Variants in RBM6 observed in about 807,000 individuals in gnomAD.
The protein encoded by RBM6 is RNA binding motif protein 6.
A neutral mutation model predicts 140.4 loss-of-function variants in RBM6; 23 were observed. The ratio of observed to expected loss-of-function variants is 0.16; its 90% CI spans 0.12 to 0.23. The LOEUF (loss-of-function observed/expected upper bound fraction) is 0.23, where lower values mean the gene tolerates loss of function less well. Among genes scored for constraint, RBM6 ranks in the 10% least tolerant of loss-of-function variants. The probability of loss-of-function intolerance (pLI) is 1.00; values close to 1 mark genes in which losing one functional copy is unlikely to be tolerated. For synonymous variants in RBM6, 439 were observed against 475.6 expected (o/e 0.92, Z 1.00); for missense variants, 1,139 against 1,386.7 (o/e 0.82, Z 2.84).
chr3:49,963,451 C>T, intron 2 of RBM6, among the ~76,000 whole-genome samples: 1 of 152,030 alleles, frequency 6.6e-6, no homozygotes, highest in South Asian at 2.1e-4. Context: ...TTCTTTTTGT[C>T]TCTTAGCGAA....
At chr3:49,984,031 C>T (rs983983957) in intron 5 of RBM6, among the ~76,000 whole-genome samples, 5 of 152,120 alleles carry the variant, frequency 3.3e-5, no homozygotes, top group Admixed American at 2.0e-4. Flanking sequence ...GTGGCTCAAA[C>T]CTGTAATTCC....
At chr3:49,984,891 G>C (rs1006665125) in intron 5 of RBM6, among the ~76,000 whole-genome samples, 4 of 152,194 alleles carry the variant, frequency 2.6e-5, no homozygotes, top group African/African-American at 9.6e-5. Context: ...TGAGACACAG[G>C]CAGGTTATAT....
intron 6 of RBM6, among the ~76,000 whole-genome samples, chr3:50,003,034 T>C (rs1051028561): frequency 4.6e-5 from 7 of 152,020 alleles, no homozygotes; most frequent in Non-Finnish European, 7.4e-5. Context: ...GATAATTGCT[T>C]GAACCCAGGA....
chr3:49,957,272 G>A (rs768418547), intron 1 of RBM6, among the ~76,000 whole-genome samples: 1 of 151,456 alleles, frequency 6.6e-6, no homozygotes, highest in Non-Finnish European at 1.5e-5. Context: ...CTGGCCTGTT[G>A]TGAAAATGTT....
At chr3:50,018,520 G>A (rs1460721798) in intron 6 of RBM6, among the ~76,000 whole-genome samples, 1 of 146,306 alleles carries the variant, frequency 6.8e-6, no homozygotes, top group Non-Finnish European at 1.5e-5. Context: ...ACGGACATAC[G>A]TTTTCAACTA....
At chr3:50,025,723 C>G (rs2087776186) in intron 6 of RBM6, among the ~76,000 whole-genome samples, 1 of 151,134 alleles carries the variant, frequency 6.6e-6, no homozygotes, top group South Asian at 2.1e-4. Flanking sequence ...CTGTGCCCCA[C>G]TGTTCAAGTT....
intron 1 of RBM6, among the ~76,000 whole-genome samples, chr3:49,962,084 G>A (rs1019551720): frequency 2.0e-5 from 3 of 150,890 alleles, no homozygotes; most frequent in Non-Finnish European, 4.4e-5. Flanking sequence ...TGAACCCGGA[G>A]GTTGCAGTGG....
At chr3:49,987,457 A>C (rs2085614714) in intron 5 of RBM6, among the ~76,000 whole-genome samples, 1 of 151,758 alleles carries the variant, frequency 6.6e-6, no homozygotes, top group Admixed American at 6.6e-5. Flanking sequence ...CTGGGATTAC[A>C]GGTGCCCGCC....
At position 49,968,560 on chromosome 3, in the gene RBM6, A is replaced by C; in HGVS notation, c.1135A>C (p.Ser379Arg). ...KSQLSGREEQSSDAGLFKEEG... is the reference protein window; with the variant it reads ...KSQLSGREEQRSDAGLFKEEG... ...ACAGCTTTCTGGACGTGAAGAGCAG[A>C]GTTCAGATGCTGGTCTGTTTAAAGA... The change falls in exon 3 of 21, where the codon AGT becomes CGT. Residue 379 changes from serine to arginine, a missense_variant. This residue lies in a region of RBM6 where 566 missense variants were observed against 612.7 expected (regional missense o/e 0.92). Coordinates refer to ENST00000266022, the MANE Select transcript of RBM6 (RefSeq NM_005777.3). 1 of 1,614,174 alleles carries C rather than the reference A, an allele frequency of 6.2e-7. No homozygotes were observed. Among genetic ancestry groups the C allele is most frequent in the Non-Finnish European group, 8.5e-7 (1 of 1,180,048 alleles).
intron 1 of RBM6, among the ~76,000 whole-genome samples, chr3:49,942,026 G>T (rs1470066709): frequency 1.3e-5 from 2 of 151,612 alleles, no homozygotes; most frequent in African/African-American, 2.4e-5. Context: ...GCTTGAGCCG[G>T]GGAGGTAGAG....
At chr3:49,989,080 CAG>C (rs1437171782) in intron 5 of RBM6, among the ~76,000 whole-genome samples, 1 of 151,850 alleles carries the variant, frequency 6.6e-6, no homozygotes, top group African/African-American at 2.4e-5. Flanking sequence ...ATGATTGTGA[CAG>C]GGTAGGAAAA....
At chr3:50,076,683 C>T (rs1016524024) in intron 20 of RBM6, among the ~76,000 whole-genome samples, 3 of 151,860 alleles carry the variant, frequency 2.0e-5, no homozygotes, top group African/African-American at 4.8e-5. Context: ...GCCAGGAGTT[C>T]GAGACCAGCC....
In RBM6 at chr3:50,062,035, A is replaced by C. The variant is rs756934766; in HGVS notation, c.2513A>C (p.Gln838Pro). ...EEIKEKKPTSQGKSSSKKEMS... is the reference protein window; with the variant it reads ...EEIKEKKPTSPGKSSSKKEMS... ...ATCAAGGAAAAAAAACCCACCAGTCAAGGAAAGTCAAGTAGCAAGAAGGAA... is the reference window on the plus strand; with the variant it reads ...ATCAAGGAAAAAAAACCCACCAGTCCAGGAAAGTCAAGTAGCAAGAAGGAA... The change falls in exon 15 of 21, where the codon CAA becomes CCA. Residue 838 changes from glutamine (Q) to proline (P), a missense_variant. This residue lies in a region of RBM6 where 163 missense variants were observed against 182.8 expected (regional missense o/e 0.89). Transcript: ENST00000266022. 1.2e-6 allele frequency: 2 copies of C among 1,613,980 alleles called. No individual in the cohort carries two copies. The highest frequency in any genetic ancestry group is 2.2e-5 in the South Asian group (2 of 91,078).
chr3:50,008,179 C>T (rs149929180), intron 6 of RBM6, among the ~76,000 whole-genome samples: 8 of 152,254 alleles, frequency 5.3e-5, no homozygotes, highest in South Asian at 4.1e-4. Context: ...GTGCTCTAAA[C>T]GACTCATTTT....
chr3:49,978,789 A>G (rs2108663468), intron 5 of RBM6, among the ~76,000 whole-genome samples: 1 of 152,248 alleles, frequency 6.6e-6, no homozygotes, highest in Non-Finnish European at 1.5e-5. Context: ...CATTTATGGG[A>G]TTTTGGAATT....
At chr3:50,035,766 AT>A (rs113626049) in intron 6 of RBM6, among the ~76,000 whole-genome samples, 1,693 of 147,586 alleles carry the variant, frequency 0.011, 40 homozygotes, top group African/African-American at 0.04. Context: ...ATTTAAAAAA[AT>A]TTTTTTTTTT....
chr3:50,006,873 A>C (rs749374564), intron 6 of RBM6, among the ~76,000 whole-genome samples: 64 of 150,036 alleles, frequency 4.3e-4, no homozygotes, highest in Admixed American at 7.3e-4. Flanking sequence ...CGGAGCTTGC[A>C]GTGAGCCGAG....
chr3:50,069,253 C>T (rs1186429458), intron 18 of RBM6, among the ~76,000 whole-genome samples: 1 of 152,034 alleles, frequency 6.6e-6, no homozygotes, highest in Non-Finnish European at 1.5e-5. Flanking sequence ...TGGCTCACGC[C>T]TATAATCCCA....
At chr3:49,962,711 A>G (rs919789425) in intron 2 of RBM6, 26 bp downstream of exon 2, 1 of 1,544,108 alleles carries the variant, frequency 6.5e-7, no homozygotes. Flanking sequence ...TGAATATTGA[A>G]ATTGCCAGTA....
Sources: gnomAD v4.1 joint callset for allele counts (sites outside exome capture counted in the v4.1 genomes callset) on GRCh38, gnomAD v4.1.1 for gene constraint, gnomAD v4.1.1 regional missense constraint, MANE v1.5 for transcripts, NCBI Gene and HGNC (gene_info 2026-07-23, HGNC 2026-07-21) for gene names.